Variants in SYN2 observed in about 807,000 individuals in gnomAD.
SYN2 encodes the protein synapsin II.
In SYN2, 19 loss-of-function variants were observed where a neutral mutation model predicts 50.9. That is an observed-to-expected ratio of 0.37 (90% CI 0.26 to 0.55). The LOEUF (loss-of-function observed/expected upper bound fraction) is 0.55, where lower values mean the gene tolerates loss of function less well. Among genes scored for constraint, SYN2 ranks in the 20% least tolerant of loss-of-function variants. The pLI, the probability that SYN2 is intolerant of heterozygous loss-of-function variation, is 0.81. For synonymous variants in SYN2, 255 were observed against 224.9 expected (o/e 1.13, Z -1.20); for missense variants, 587 against 576.4 (o/e 1.02, Z -0.19).
At chr3:12,089,354 A>G (rs1281995025) in intron 1 of SYN2, among the ~76,000 whole-genome samples, 2 of 152,196 alleles carry the variant, frequency 1.3e-5, no homozygotes, top group Non-Finnish European at 2.9e-5. Flanking sequence ...CTTATTCACT[A>G]TCATGAGAAT....
chr3:12,008,359 GAC>G (rs1693841876), intron 1 of SYN2, among the ~76,000 whole-genome samples: 2 of 152,150 alleles, frequency 1.3e-5, no homozygotes, highest in African/African-American at 4.8e-5. Context: ...AGAAAAATGA[GAC>G]ACAGTATCTG....
chr3:12,141,939 C>T lies in SYN2; in HGVS notation c.470C>T (p.Ala157Val), dbSNP rs1192577771. 2.6e-6 allele frequency: 2 copies of T among 780,796 alleles called. No homozygotes were observed. The highest frequency in any genetic ancestry group is 4.8e-6 in the Non-Finnish European group (2 of 417,936). The allele number at this position is 780,796 out of a possible 1,614,324, so 48.4% of individuals were successfully genotyped here. ...EFSELNLVAH[A>V]DGTYAVDMQV... ...TCAGAGCTCAACCTGGTGGCCCATG[C>T]AGATGGCACCTATGCTGTGGATATG... The change falls in exon 3 of 13, where the codon GCA becomes GTA. Residue 157 changes from alanine (A) to valine (V), a missense_variant. Coordinates refer to ENST00000621198, the MANE Select transcript of SYN2 (RefSeq NM_133625.6).
At chr3:12,060,460 A>G (rs1210243319) in intron 1 of SYN2, among the ~76,000 whole-genome samples, 1 of 152,164 alleles carries the variant, frequency 6.6e-6, no homozygotes, top group Admixed American at 6.5e-5. Flanking sequence ...CTAAGGGGGA[A>G]GGGGAAAGAA....
At chr3:12,079,879 A>G (rs1695550692) in intron 1 of SYN2, among the ~76,000 whole-genome samples, 1 of 152,138 alleles carries the variant, frequency 6.6e-6, no homozygotes, top group South Asian at 2.1e-4. Context: ...AAGAAAGGGT[A>G]TCAGCTCTTT....
At chr3:12,060,554 A>C (rs909753962) in intron 1 of SYN2, among the ~76,000 whole-genome samples, 7 of 152,134 alleles carry the variant, frequency 4.6e-5, no homozygotes, top group Admixed American at 2.6e-4. Flanking sequence ...CTTTCCCCCA[A>C]CATCTTACCA....
chr3:12,004,649 A>AGCCGCC lies in SYN2; in HGVS notation c.111_116dup (p.Pro39_Pro40dup), dbSNP rs202010288. ...GACCTGCAGCGGCCCGAGCCCCAGC[A>AGCCGCC]GCCGCCGCCGCCGCCGCCCCCCGGT... On this transcript the variant is annotated inframe_insertion, in exon 1 of 13. Transcript: ENST00000621198. 2.4e-5 allele frequency: 9 copies of AGCCGCC among 381,078 alleles called. No homozygotes were observed. The highest frequency in any genetic ancestry group is 4.1e-5 in the East Asian group (1 of 24,682). 23.6% of individuals were successfully genotyped at this position (381,078 alleles called of 1,614,324 possible).
rs1698006446 is a variant in SYN2 at position 12,174,220 on chromosome 3, C to A, written c.1308+4314C>A. 2.0e-5 allele frequency among the ~76,000 whole-genome samples: 3 copies of A among 150,322 alleles called. No individual in the cohort carries two copies. In the South Asian group the frequency reaches 6.4e-4, roughly 32 times the overall value. On this transcript the variant is annotated intron_variant, in intron 10 of 12. Coordinates refer to ENST00000621198, the MANE Select transcript of SYN2 (RefSeq NM_133625.6). ...CTCCTGCCCTGACCACCCCTTCAAA[C>A]TCCAGACTCACATTTCTAACTCTTG...
intron 1 of SYN2, among the ~76,000 whole-genome samples, chr3:12,049,818 A>G (rs956056460): frequency 6.6e-6 from 1 of 152,204 alleles, no homozygotes; most frequent in African/African-American, 2.4e-5. Flanking sequence ...AACATGGCTT[A>G]TATTTAGAAG....
At position 12,125,857 on chromosome 3, in the gene SYN2, A is replaced by C. The variant is rs113072049; in HGVS notation, c.378-14794A>C. Among the ~76,000 whole-genome samples, 1,356 of 137,666 alleles carry C rather than the reference A, an allele frequency of 9.8e-3. 17 individuals are homozygous for C. The highest frequency in any genetic ancestry group is 0.032 in the African/African-American group (1,233 of 39,136). The allele number at this position is 137,666 out of a possible 152,430, so 90.3% of individuals were successfully genotyped here. A position where few individuals can be genotyped will look rare whatever the true frequency, so the allele number is the denominator to read the frequency against. On this transcript the variant is annotated intron_variant, in intron 1 of 12. Transcript: ENST00000621198. ...GTCTAAAAGTGAAAAAAAAAAAAAA[A>C]CCCACAAAACACACAAAAAAACTGA...
chr3:12,024,770 T>G (rs1299790193), intron 1 of SYN2, among the ~76,000 whole-genome samples: 4 of 152,234 alleles, frequency 2.6e-5, no homozygotes, highest in South Asian at 2.1e-4. Context: ...TGTTGGTGAT[T>G]ATAAGCTCTT....
At chr3:12,073,074 G>T (rs541982541) in intron 1 of SYN2, among the ~76,000 whole-genome samples, 3 of 152,250 alleles carry the variant, frequency 2.0e-5, no homozygotes, top group Admixed American at 2.0e-4. Flanking sequence ...TCATGGAAGG[G>T]TATAATCATG....
chr3:12,118,532 T>G (rs1696484547), intron 1 of SYN2, among the ~76,000 whole-genome samples: 1 of 152,250 alleles, frequency 6.6e-6, no homozygotes, highest in African/African-American at 2.4e-5. Flanking sequence ...GAAACAGTTA[T>G]TTATGGTTTA....
At chr3:12,170,981 A>G (rs953734887) in intron 10 of SYN2, among the ~76,000 whole-genome samples, 2 of 152,212 alleles carry the variant, frequency 1.3e-5, no homozygotes, top group Non-Finnish European at 1.5e-5. Context: ...ACTGATATCT[A>G]GAGACCTTTT....
chr3:12,131,651 CT>C (rs60176639), intron 1 of SYN2, among the ~76,000 whole-genome samples: 3,502 of 147,662 alleles, frequency 0.024, 44 homozygotes, highest in Non-Finnish European at 0.028. Flanking sequence ...TTACAGGATT[CT>C]TTTTTTTTTT....
At chr3:12,182,561 G>A (rs1015106003) in intron 10 of SYN2, among the ~76,000 whole-genome samples, 2 of 152,188 alleles carry the variant, frequency 1.3e-5, no homozygotes, top group African/African-American at 4.8e-5. Context: ...ATGCTGTTTG[G>A]GAGGGAAAAG....
chr3:12,010,175 G>T (rs909612033), intron 1 of SYN2, among the ~76,000 whole-genome samples: 1 of 152,218 alleles, frequency 6.6e-6, no homozygotes, highest in Non-Finnish European at 1.5e-5. Context: ...AATAAAGTTA[G>T]TAGGACTGTG....
Position 12,105,447 on chromosome 3 carries a change from G to T in SYN2, c.378-35204G>T, listed in dbSNP as rs992457005. ...TTTGAATGATGGAATAGGAAGAAAA[G>T]ATTTTCTTTCCTTTTCAGGGGCTAC... On this transcript the variant is annotated intron_variant, in intron 1 of 12. Coordinates refer to ENST00000621198, the MANE Select transcript of SYN2 (RefSeq NM_133625.6). Among the ~76,000 whole-genome samples, 2 of 134,542 alleles carry T rather than the reference G, an allele frequency of 1.5e-5. 1 individual carries two copies. Among genetic ancestry groups the T allele is most frequent in the African/African-American group, 5.5e-5 (2 of 36,072 alleles). 88.3% of individuals were successfully genotyped at this position (134,542 alleles called of 152,430 possible).
rs184066328 is a variant in SYN2, at chr3:12,037,388, A to C, written c.377+32460A>C. ...ACTTCTTTGCACCAATTTTTATCTC[A>C]CTCTGTTTTGTATTGCTGTAACAGA... On this transcript the variant is annotated intron_variant, in intron 1 of 12. Coordinates refer to ENST00000621198, the MANE Select transcript of SYN2 (RefSeq NM_133625.6). Among the ~76,000 whole-genome samples, 216 of 152,094 alleles carry C rather than the reference A, an allele frequency of 1.4e-3. 3 individuals carry two copies. Among genetic ancestry groups the C allele is most frequent in the Admixed American group, 0.013 (194 of 15,270 alleles).
rs768619856 is a variant in SYN2 at position 12,145,759 on chromosome 3, T to C, written c.608T>C (p.Ile203Thr). The change falls in exon 4 of 13, where the codon ATT becomes ACT. Residue 203 changes from isoleucine to threonine, a missense_variant. Ile to Thr is a moderately conservative substitution (Grantham distance 89, BLOSUM62 -1). Transcript: ENST00000621198. ...AENEDFRHLI[I>T]GMQYAGLPSI... ...AATGAGGACTTCCGCCACCTGATCA[T>C]TGGTATGCAGTATGCAGGCCTCCCC... is the stretch of plus-strand genomic sequence containing the variant. The C allele has an allele frequency of 3.1e-6, 5 of 1,613,868 alleles. No individual in the cohort carries two copies. In the South Asian group the frequency reaches 3.3e-5, roughly 11 times the overall value.
Sources: gnomAD v4.1 joint callset for allele counts (sites outside exome capture counted in the v4.1 genomes callset) on GRCh38, gnomAD v4.1.1 for gene constraint, MANE v1.5 for transcripts, NCBI Gene and HGNC (gene_info 2026-07-23, HGNC 2026-07-21) for gene names.